PPP2R2B: variants seen among roughly 807,000 people sequenced by gnomAD.
The protein encoded by PPP2R2B is protein phosphatase 2 regulatory subunit Bbeta.
In PPP2R2B, 5 loss-of-function variants were observed where a neutral mutation model predicts 46.0. The observed-to-expected ratio is 0.11, with a 90% confidence interval of 0.06 to 0.23. The LOEUF is 0.23. Among genes scored for constraint, PPP2R2B ranks in the 10% least tolerant of loss-of-function variants. The probability of loss-of-function intolerance (pLI) is 1.00; values close to 1 mark genes in which losing one functional copy is unlikely to be tolerated. For missense variants in PPP2R2B, 367 were observed against 575.0 expected, an observed-to-expected ratio of 0.64 and a Z score of 3.70; for synonymous variants, 215 against 206.7, an observed-to-expected ratio of 1.04 and a Z score of -0.34.
At chr5:146,738,688 C>T (rs1752690493) in intron 2 of PPP2R2B, among the ~76,000 whole-genome samples, 1 of 152,124 alleles carries the variant, frequency 6.6e-6, no homozygotes, top group Non-Finnish European at 1.5e-5. Context: ...AGTCAGATTC[C>T]TCATGGGCAG....
rs573763609 is a variant in PPP2R2B, at chr5:147,077,275, T to C, written c.50+3784A>G. Among the ~76,000 whole-genome samples, 1,372 of 140,484 alleles carry C rather than the reference T, an allele frequency of 9.8e-3. 23 individuals are homozygous for C. Among genetic ancestry groups the C allele is most frequent in the East Asian group, 0.064 (307 of 4,766 alleles). The allele number at this position is 140,484 out of a possible 152,430, so 92.2% of individuals were successfully genotyped here. A position where few individuals can be genotyped will look rare whatever the true frequency, so the allele number is the denominator to read the frequency against. Reference sequence around the variant, plus strand: ...CGTTATACATATATGTATGTGTGTATACACACACACACACACACACACACA... The same window carrying C: ...CGTTATACATATATGTATGTGTGTACACACACACACACACACACACACACA... On this transcript the variant is annotated intron_variant, in intron 2 of 10. Coordinates refer to the PPP2R2B transcript ENST00000394413.
chr5:146,720,036 G>A (rs1780708119), intron 2 of PPP2R2B, among the ~76,000 whole-genome samples: 1 of 152,066 alleles, frequency 6.6e-6, no homozygotes. Context: ...TTACCCTCCT[G>A]AGGTTTTCCT....
At chr5:146,910,745 A>T (rs1190197097) in intron 1 of PPP2R2B, among the ~76,000 whole-genome samples, 2 of 152,162 alleles carry the variant, frequency 1.3e-5, no homozygotes, top group African/African-American at 4.8e-5. Flanking sequence ...AGTCTTTCAG[A>T]AGTTTCTTAC....
At chr5:146,804,598 T>TTGTTTAGAAAGACAAAATCAGAATC (rs1239249305) in intron 2 of PPP2R2B, among the ~76,000 whole-genome samples, 45 of 152,328 alleles carry the variant, frequency 3.0e-4, no homozygotes, top group Non-Finnish European at 1.9e-4. Context: ...TCTTCTGATG[T>TTGTTTAGAAAGACAAAATCAGAATC]TGTTTAGAAA....
At chr5:146,689,099 G>T (rs7736604) in intron 5 of PPP2R2B, among the ~76,000 whole-genome samples, 42,132 of 151,946 alleles carry the variant, frequency 0.28, 6,292 homozygotes, top group East Asian at 0.63. Context: ...TCAGTAGGGG[G>T]TAATAATAGC....
chr5:147,069,785 G>GTTTTTTTTTTTTTTTTTTTTTTTTTTT lies in PPP2R2B; in HGVS notation c.50+11273_50+11274insAAAAAAAAAAAAAAAAAAAAAAAAAAA, dbSNP rs540998224. ...CTCCCACATGAACACATTTTATACT[G>GTTTTTTTTTTTTTTTTTTTTTTTTTTT]TTTTTTTTTTTTTTTTTTTTTTTGA... is the stretch of plus-strand genomic sequence containing the variant. On this transcript the variant is annotated intron_variant, in intron 2 of 10. Coordinates refer to the PPP2R2B transcript ENST00000394413. Among the ~76,000 whole-genome samples the GTTTTTTTTTTTTTTTTTTTTTTTTTTT allele has an allele frequency of 1.4e-4, 9 of 64,790 alleles. 3 individuals carry two copies. Among genetic ancestry groups the GTTTTTTTTTTTTTTTTTTTTTTTTTTT allele is most frequent in the African/African-American group, 6.0e-4 (8 of 13,262 alleles). The allele number at this position is 64,790 out of a possible 152,430, so 42.5% of individuals were successfully genotyped here.
intron 1 of PPP2R2B, among the ~76,000 whole-genome samples, chr5:146,964,057 A>G (rs971281625): frequency 1.3e-5 from 2 of 152,218 alleles, no homozygotes; most frequent in African/African-American, 4.8e-5. Context: ...CCCTTAAGTC[A>G]GCTGGACACT....
chr5:146,613,581 G>T, intron 7 of PPP2R2B, among the ~76,000 whole-genome samples: 1 of 115,510 alleles, frequency 8.7e-6, no homozygotes, highest in Non-Finnish European at 1.6e-5. Context: ...CAGACGACAT[G>T]ACTGTTTATC....
intron 1 of PPP2R2B, among the ~76,000 whole-genome samples, chr5:146,999,179 C>A (rs1316346302): frequency 1.3e-5 from 2 of 152,054 alleles, no homozygotes; most frequent in East Asian, 3.9e-4. Flanking sequence ...GCTATGGACT[C>A]AGTGATAAGC....
chr5:147,055,773 A>T (rs891417394), exon 1 of PPP2R2B: 2 of 1,579,606 alleles, frequency 1.3e-6, no homozygotes, highest in Non-Finnish European at 1.7e-6. Flanking sequence ...AATCTAAATA[A>T]AAAAACAGTC....
At chr5:146,937,162 G>A (rs530362811) in intron 1 of PPP2R2B, among the ~76,000 whole-genome samples, 69 of 152,174 alleles carry the variant, frequency 4.5e-4, no homozygotes, top group African/African-American at 9.2e-4. Flanking sequence ...TTAGCTGGGC[G>A]TGGTGGCGCC....
chr5:146,926,791 A>G (rs1763796360), intron 1 of PPP2R2B, among the ~76,000 whole-genome samples: 1 of 152,214 alleles, frequency 6.6e-6, no homozygotes, highest in African/African-American at 2.4e-5. Flanking sequence ...CTTTGGGTAA[A>G]CCAGAAGCAT....
chr5:147,014,293 G>A (rs1754888186), intron 1 of PPP2R2B, among the ~76,000 whole-genome samples: 1 of 148,528 alleles, frequency 6.7e-6, no homozygotes, highest in East Asian at 2.0e-4. Context: ...TGGTGGGACT[G>A]TAAACTAGTT....
chr5:147,074,721 G>A (rs999840768), intron 2 of PPP2R2B, among the ~76,000 whole-genome samples: 6 of 152,130 alleles, frequency 3.9e-5, no homozygotes, highest in African/African-American at 1.4e-4. Context: ...TATAGTTAGA[G>A]GATTCCTCTT....
chr5:147,005,615 C>T (rs1377794552), intron 1 of PPP2R2B, among the ~76,000 whole-genome samples: 2 of 151,880 alleles, frequency 1.3e-5, no homozygotes, highest in African/African-American at 4.8e-5. Flanking sequence ...GGGAGAACAG[C>T]AGCATAAGCA....
At position 146,798,046 on chromosome 5, in the gene PPP2R2B, C is replaced by T. The variant is rs562258100; in HGVS notation, c.70+79956G>A. Among the ~76,000 whole-genome samples, 5 of 152,248 alleles carry T rather than the reference C, an allele frequency of 3.3e-5. No homozygotes were observed. The South Asian group carries it at 8.3e-4, about 25-fold the overall frequency. On this transcript the variant is annotated intron_variant, in intron 2 of 9. Coordinates refer to ENST00000394411, the MANE Select transcript of PPP2R2B (RefSeq NM_181675.4). ...CCATAACTACTCCATCCGAGACAGG[C>T]ATTTGTCTTATTTTTAGTCTCCTCC...
intron 2 of PPP2R2B, among the ~76,000 whole-genome samples, chr5:146,810,533 G>T (rs114293330): frequency 1.2e-4 from 18 of 152,002 alleles, no homozygotes; most frequent in Non-Finnish European, 5.9e-5. Flanking sequence ...TACCAGATGC[G>T]GAAACTCAGA....
intron 1 of PPP2R2B, among the ~76,000 whole-genome samples, chr5:146,904,842 G>A (rs1240141924): frequency 6.6e-6 from 1 of 152,124 alleles, no homozygotes; most frequent in African/African-American, 2.4e-5. Context: ...ACATTAACAT[G>A]AGGAACCAGA....
chr5:146,742,863 T>C lies in PPP2R2B; in HGVS notation c.71-41721A>G, dbSNP rs116881943. Among the ~76,000 whole-genome samples the C allele has an allele frequency of 5.7e-4, 87 of 152,166 alleles. 1 individual carries two copies. In the East Asian group the frequency reaches 0.016, roughly 29 times the overall value. On this transcript the variant is annotated intron_variant, in intron 2 of 9. Transcript: ENST00000394411. ...GTATGCACACAGGGAGAATAGCACA[T>C]GAAGGCGATGAAGGCGAAGGCAGAG...
Sources: gnomAD v4.1 joint callset for allele counts (sites outside exome capture counted in the v4.1 genomes callset) on GRCh38, gnomAD v4.1.1 for gene constraint, MANE v1.5 for transcripts, NCBI Gene and HGNC (gene_info 2026-07-23, HGNC 2026-07-21) for gene names.